The following ARHGAP15 variants were observed in gnomAD, a reference collection of about 807,000 sequenced individuals.
ARHGAP15 encodes the protein Rho GTPase activating protein 15, also known as rho GTPase-activating protein 15.
Under a neutral mutation model 63.7 loss-of-function variants are expected in ARHGAP15, and 51 were observed. The observed-to-expected ratio is 0.80, with a 90% CI of 0.64 to 1.01. The LOEUF is 1.01. Among genes scored for constraint, ARHGAP15 ranks in the 50% least tolerant of loss-of-function variants. The probability of loss-of-function intolerance (pLI) is 0.00; values close to 1 mark genes in which losing one functional copy is unlikely to be tolerated. For missense variants in ARHGAP15, 560 were observed against 564.6 expected, an observed-to-expected ratio of 0.99 and a Z score of 0.08; for synonymous variants, 191 against 193.8, an observed-to-expected ratio of 0.99 and a Z score of 0.12.
intron 13 of ARHGAP15, among the ~76,000 whole-genome samples, chr2:143,738,926 T>C (rs1026142888): frequency 4.6e-5 from 7 of 152,120 alleles, no homozygotes; most frequent in Non-Finnish European, 7.3e-5. Context: ...GTGTCCTCAA[T>C]TGGGAGAAAA....
At chr2:143,498,592 TAAAATA>T (rs1692924435) in intron 9 of ARHGAP15, among the ~76,000 whole-genome samples, 1 of 152,114 alleles carries the variant, frequency 6.6e-6, no homozygotes. Context: ...TTTTTGAAGA[TAAAATA>T]AAAGTACATA....
intron 10 of ARHGAP15, among the ~76,000 whole-genome samples, chr2:143,548,738 A>T (rs574756587): frequency 2.0e-5 from 3 of 152,128 alleles, no homozygotes; most frequent in African/African-American, 7.2e-5. Context: ...AGCAAACAAA[A>T]TAATAAAGGA....
chr2:143,223,400 T>C (rs17812607), intron 4 of ARHGAP15, among the ~76,000 whole-genome samples: 22,402 of 152,182 alleles, frequency 0.15, 1,741 homozygotes, highest in Middle Eastern at 0.25. Context: ...TCTTGGCACT[T>C]TGGACTGTCT....
intron 10 of ARHGAP15, among the ~76,000 whole-genome samples, chr2:143,531,078 A>G (rs1012606529): frequency 2.0e-5 from 3 of 151,798 alleles, no homozygotes; most frequent in Admixed American, 6.6e-5. Flanking sequence ...CACAGAGACT[A>G]CACTTTGGCA....
At chr2:143,534,357 T>G (rs778318351) in intron 10 of ARHGAP15, among the ~76,000 whole-genome samples, 5 of 152,032 alleles carry the variant, frequency 3.3e-5, no homozygotes, top group Non-Finnish European at 7.4e-5. Context: ...AATTACCGAG[T>G]CATAGGCAGT....
intron 4 of ARHGAP15, among the ~76,000 whole-genome samples, chr2:143,222,247 A>T (rs1190451498): frequency 6.6e-6 from 1 of 152,260 alleles, no homozygotes; most frequent in African/African-American, 2.4e-5. Context: ...GCGGTAAATC[A>T]ATCAGGGACA....
chr2:143,755,285 GA>G (rs1042150414), intron 13 of ARHGAP15, among the ~76,000 whole-genome samples: 1 of 144,026 alleles, frequency 6.9e-6, no homozygotes, highest in African/African-American at 2.6e-5. Flanking sequence ...GGGGGGGGGG[GA>G]TCTATACCAA....
chr2:143,282,538 G>GCA (rs1326842584), intron 6 of ARHGAP15, among the ~76,000 whole-genome samples: 1 of 151,956 alleles, frequency 6.6e-6, no homozygotes, highest in African/African-American at 2.4e-5. Context: ...GCGCAGAACA[G>GCA]CACAAGAAAG....
intron 13 of ARHGAP15, among the ~76,000 whole-genome samples, chr2:143,723,938 T>C (rs1685171167): frequency 6.6e-6 from 1 of 152,174 alleles, no homozygotes; most frequent in Admixed American, 6.5e-5. Context: ...AGAACTGGGC[T>C]CCAGCCCCAG....
chr2:143,283,837 C>T (rs1261340027), intron 6 of ARHGAP15, among the ~76,000 whole-genome samples: 1 of 152,130 alleles, frequency 6.6e-6, no homozygotes, highest in Non-Finnish European at 1.5e-5. Flanking sequence ...CCATGTTCAC[C>T]TATTGGGCTT....
chr2:143,156,506 T>C (rs1690086509), intron 2 of ARHGAP15, among the ~76,000 whole-genome samples: 1 of 151,886 alleles, frequency 6.6e-6, no homozygotes, highest in South Asian at 2.1e-4. Flanking sequence ...ATGTGAGCTA[T>C]TAATTGAGTG....
chr2:143,508,499 G>C (rs1381368521), intron 9 of ARHGAP15, among the ~76,000 whole-genome samples: 1 of 152,182 alleles, frequency 6.6e-6, no homozygotes, highest in Admixed American at 6.5e-5. Flanking sequence ...TCCATCCCCA[G>C]TGGGCATTGA....
At chr2:143,237,225 C>T (rs1267489194) in intron 5 of ARHGAP15, 3 of 152,002 alleles carry the variant, frequency 2.0e-5, no homozygotes, top group African/African-American at 7.2e-5. Flanking sequence ...CTTAAAAACA[C>T]ATGCAGGACT....
intron 8 of ARHGAP15, among the ~76,000 whole-genome samples, chr2:143,447,795 G>C (rs939279477): frequency 6.6e-6 from 1 of 152,176 alleles, no homozygotes; most frequent in Non-Finnish European, 1.5e-5. Flanking sequence ...ACAAGTGACC[G>C]AGAGCATGAG....
intron 6 of ARHGAP15, among the ~76,000 whole-genome samples, chr2:143,425,595 C>A (rs1359331233): frequency 6.6e-6 from 1 of 151,904 alleles, no homozygotes; most frequent in African/African-American, 2.4e-5. Context: ...TTAAAGATAA[C>A]CCTTTTGAGT....
At chr2:143,639,590 C>T (rs547861426) in intron 12 of ARHGAP15, among the ~76,000 whole-genome samples, 36 of 152,066 alleles carry the variant, frequency 2.4e-4, no homozygotes, top group Non-Finnish European at 4.6e-4. Flanking sequence ...ATTCCAAATG[C>T]TTAAAGGTAG....
rs79039407 is a variant in ARHGAP15, at chr2:143,220,919, C to G, written c.296+4474C>G. Among the ~76,000 whole-genome samples, 1,444 of 152,154 alleles carry G rather than the reference C, an allele frequency of 9.5e-3. 32 individuals are homozygous for G. The highest frequency in any genetic ancestry group is 0.033 in the African/African-American group (1,370 of 41,508). On this transcript the variant is annotated intron_variant, in intron 4 of 13. Transcript: ENST00000295095. ...TACAATATAGACTCTATTATTGCTT[C>G]CTATTGTATAAATGGAGAAACTCAG...
chr2:143,474,839 AAAGC>A (rs1246726671), intron 8 of ARHGAP15, among the ~76,000 whole-genome samples: 4 of 152,216 alleles, frequency 2.6e-5, no homozygotes, highest in Admixed American at 2.0e-4. Context: ...ACAACAGAAA[AAAGC>A]TTGGCAATTT....
At chr2:143,245,365 C>T (rs1323721837) in intron 5 of ARHGAP15, among the ~76,000 whole-genome samples, 3 of 152,190 alleles carry the variant, frequency 2.0e-5, no homozygotes, top group Non-Finnish European at 2.9e-5. Context: ...CAGAATCTAA[C>T]AGTGCAGAGT....
Sources: allele counts gnomAD v4.1 joint callset (sites outside exome capture counted in the v4.1 genomes callset), GRCh38; gene constraint gnomAD v4.1.1; transcripts MANE v1.5; gene names NCBI Gene and HGNC (gene_info 2026-07-23, HGNC 2026-07-21).